STPG2: variants seen among roughly 807,000 people sequenced by gnomAD.
STPG2 encodes the protein sperm tail PG-rich repeat containing 2.
A neutral mutation model predicts 54.2 loss-of-function variants in STPG2; 56 were observed. The observed-to-expected ratio is 1.03, with a 90% CI of 0.83 to 1.29. STPG2 has a LOEUF of 1.29. Ranked by LOEUF, STPG2 falls within the 50% of genes most tolerant of loss-of-function variation. The probability of loss-of-function intolerance (pLI) is 0.00; values close to 1 mark genes in which losing one functional copy is unlikely to be tolerated. For synonymous variants in STPG2, 200 were observed against 181.8 expected, an observed-to-expected ratio of 1.10 and a Z score of -0.81; for missense variants, 596 against 544.9, an observed-to-expected ratio of 1.09 and a Z score of -0.93.
At chr4:97,527,202 A>C (rs1318025204) in intron 4 of STPG2, among the ~76,000 whole-genome samples, 2 of 151,858 alleles carry the variant, frequency 1.3e-5, no homozygotes, top group African/African-American at 4.8e-5. Flanking sequence ...CCCTGTGTCC[A>C]TGTGTTCTCA....
intron 9 of STPG2, among the ~76,000 whole-genome samples, chr4:97,768,111 G>A (rs1228958385): frequency 6.6e-6 from 1 of 151,220 alleles, no homozygotes; most frequent in Non-Finnish European, 1.5e-5. Context: ...ATCTTGCAGT[G>A]AGCCGAGATC....
intron 8 of STPG2, among the ~76,000 whole-genome samples, chr4:97,865,417 G>C (rs929543236): frequency 2.6e-5 from 4 of 152,042 alleles, no homozygotes; most frequent in Non-Finnish European, 5.9e-5. Context: ...AGAATGGTGA[G>C]CATTAAAAAG....
rs371494583 is a variant in STPG2 at position 98,096,224 on chromosome 4, G to A, written c.612+9729C>T. On this transcript the variant is annotated intron_variant, in intron 5 of 10. Coordinates refer to ENST00000295268, the MANE Select transcript of STPG2 (RefSeq NM_174952.3). The stretch of plus-strand genomic sequence containing the variant: ...AGCCTGGGCAACATGGGGAGACTTC[G>A]TCTCTACAAAAACACAAAAACAATT... 7.9e-5 allele frequency among the ~76,000 whole-genome samples: 12 copies of A among 152,054 alleles called. No individual in the cohort carries two copies. The South Asian group carries it at 1.2e-3, about 16-fold the overall frequency.
intron 10 of STPG2, among the ~76,000 whole-genome samples, chr4:97,570,061 A>G (rs1732560003): frequency 6.6e-6 from 1 of 152,062 alleles, no homozygotes; most frequent in African/African-American, 2.4e-5. Context: ...ACATTTCTCA[A>G]TTTTTTAAGG....
chr4:97,856,412 C>T (rs1729339693), intron 8 of STPG2, among the ~76,000 whole-genome samples: 1 of 152,078 alleles, frequency 6.6e-6, no homozygotes, highest in Non-Finnish European at 1.5e-5. Flanking sequence ...ATTTTATTCC[C>T]TTTGTAACAA....
chr4:97,915,274 C>T (rs368665300), intron 8 of STPG2, among the ~76,000 whole-genome samples: 22 of 152,208 alleles, frequency 1.4e-4, no homozygotes, highest in East Asian at 7.8e-4. Context: ...AGGAAGTAGA[C>T]GTAACCAGCA....
At chr4:97,566,628 A>C (rs1394406328) in intron 10 of STPG2, among the ~76,000 whole-genome samples, 1 of 152,188 alleles carries the variant, frequency 6.6e-6, no homozygotes, top group African/African-American at 2.4e-5. Context: ...ACTTGGAACC[A>C]ACCCAAATGT....
chr4:97,712,919 G>T, intron 9 of STPG2, 105 bp from the exon 10 acceptor site: 2 of 675,788 alleles, frequency 3.0e-6, no homozygotes, highest in Non-Finnish European at 4.6e-6. Flanking sequence ...AAATTAGCAT[G>T]AAACAATCTT....
intron 10 of STPG2, among the ~76,000 whole-genome samples, chr4:97,587,384 T>C (rs1056019663): frequency 2.6e-5 from 4 of 152,036 alleles, no homozygotes; most frequent in Admixed American, 6.6e-5. Context: ...ATTCTAAAGA[T>C]AACATTCAAT....
chr4:97,841,654 C>T (rs993995996), intron 8 of STPG2, among the ~76,000 whole-genome samples: 1 of 151,598 alleles, frequency 6.6e-6, no homozygotes, highest in African/African-American at 2.4e-5. Flanking sequence ...ACTTTTTAAG[C>T]GTTAATGATT....
At chr4:97,472,829 G>A (rs1019776118) in intron 4 of STPG2, among the ~76,000 whole-genome samples, 14 of 152,216 alleles carry the variant, frequency 9.2e-5, no homozygotes, top group African/African-American at 1.7e-4. Context: ...TGGTTGTTGC[G>A]GGAAGTCAGG....
intron 4 of STPG2, among the ~76,000 whole-genome samples, chr4:97,544,244 T>C (rs1028167854): frequency 6.6e-6 from 1 of 152,170 alleles, no homozygotes; most frequent in Non-Finnish European, 1.5e-5. Flanking sequence ...TCCATGGAGA[T>C]ATCCGTAAAA....
intron 10 of STPG2, among the ~76,000 whole-genome samples, chr4:97,677,853 T>C (rs903934231): frequency 2.6e-5 from 4 of 152,202 alleles, no homozygotes; most frequent in African/African-American, 7.2e-5. Flanking sequence ...GACATTTCTA[T>C]AGTTACTTTT....
At chr4:97,706,255 C>A (rs749039131) in intron 10 of STPG2, among the ~76,000 whole-genome samples, 42 of 152,244 alleles carry the variant, frequency 2.8e-4, no homozygotes, top group Middle Eastern at 3.4e-3. Flanking sequence ...CTTGTAGGGA[C>A]CAATATAGAG....
intron 9 of STPG2, among the ~76,000 whole-genome samples, chr4:97,730,917 T>G (rs1724775698): frequency 6.6e-6 from 1 of 152,240 alleles, no homozygotes; most frequent in African/African-American, 2.4e-5. Context: ...TGGATCATTT[T>G]ATTAGCTTCC....
intron 10 of STPG2, among the ~76,000 whole-genome samples, chr4:97,594,938 A>T (rs923482330): frequency 6.6e-6 from 1 of 152,216 alleles, no homozygotes; most frequent in Non-Finnish European, 1.5e-5. Flanking sequence ...ATCATTAAAA[A>T]GTCAGGAAAC....
intron 5 of STPG2, among the ~76,000 whole-genome samples, chr4:98,097,688 TC>T (rs1449957343): frequency 1.3e-5 from 2 of 152,178 alleles, no homozygotes; most frequent in African/African-American, 2.4e-5. Context: ...AGTCAAATTA[TC>T]CTTGTTTGCC....
intron 5 of STPG2, among the ~76,000 whole-genome samples, chr4:97,990,020 C>T (rs990146659): frequency 6.6e-6 from 1 of 152,308 alleles, no homozygotes; most frequent in East Asian, 1.9e-4. Context: ...CAATCACCTA[C>T]TAACAAACCA....
At chr4:98,093,022 G>A (rs932512758) in intron 5 of STPG2, among the ~76,000 whole-genome samples, 3 of 152,088 alleles carry the variant, frequency 2.0e-5, no homozygotes, top group Admixed American at 2.0e-4. Flanking sequence ...TGTCAATAAA[G>A]AGCCAAAGTA....
Sources: allele counts gnomAD v4.1 joint callset (sites outside exome capture counted in the v4.1 genomes callset), GRCh38; gene constraint gnomAD v4.1.1; transcripts MANE v1.5; gene names NCBI Gene and HGNC (gene_info 2026-07-23, HGNC 2026-07-21).